DACT2: variants seen among roughly 807,000 people sequenced by gnomAD.
DACT2 encodes the protein dapper homolog 2.
A neutral mutation model predicts 22.2 loss-of-function variants in DACT2; 20 were observed. That is an observed-to-expected ratio of 0.90 (90% CI 0.63 to 1.31). The LOEUF is 1.31. Ranked by LOEUF, DACT2 falls within the 50% of genes most tolerant of loss-of-function variation. The pLI, the probability that DACT2 is intolerant of heterozygous loss-of-function variation, is 0.00. For missense variants in DACT2, 1,048 were observed against 1,061.4 expected (o/e 0.99, Z 0.18); for synonymous variants, 463 against 479.8 (o/e 0.96, Z 0.46).
chr6:168,294,929 G>C (rs185040028), intron 3 of DACT2, among the ~76,000 whole-genome samples: 162 of 152,280 alleles, frequency 1.1e-3, no homozygotes, highest in Middle Eastern at 6.8e-3. Context: ...GACAAGTTGA[G>C]GAAGAAACCG....
At chr6:168,306,673 A>C (rs59468907), downstream of DACT2, among the ~76,000 whole-genome samples, 20 of 149,428 alleles carry the variant, frequency 1.3e-4, no homozygotes, top group African/African-American at 5.0e-4. Flanking sequence ...GATGGTCTTG[A>C]TCTTCTGACT....
At chr6:168,296,616 A>C (rs1363008224) in intron 3 of DACT2, among the ~76,000 whole-genome samples, 4 of 152,240 alleles carry the variant, frequency 2.6e-5, no homozygotes, top group East Asian at 1.9e-4. Flanking sequence ...GAGGACAAGC[A>C]CCCGGAATCA....
At chr6:168,294,575 GTGTATATA>G (rs1246967529) in intron 4 of DACT2, 18,895 of 335,316 alleles carry the variant, frequency 0.056, 2 homozygotes, top group Non-Finnish European at 0.06. Flanking sequence ...GTGTGTGTGT[GTGTATATA>G]TATATATATA....
chr6:168,314,929 C>T (rs1441989646), intron 1 of DACT2, among the ~76,000 whole-genome samples: 1 of 152,204 alleles, frequency 6.6e-6, no homozygotes, highest in Non-Finnish European at 1.5e-5. Context: ...GCACTGAAGT[C>T]TTGCAGGTTT....
chr6:168,308,318 T>C lies in DACT2; in HGVS notation c.1439A>G (p.His480Arg), dbSNP rs1024025428. Residue 480 changes from histidine to arginine, a missense_variant, in exon 4 of 4, where the codon CAC becomes CGC. By Grantham distance (29) the His-to-Arg change is conservative. Transcript: ENST00000366795. ...TTTCAGGCTGGCAGCAAAGGATGGG[T>C]GGGCAAAGTGCCCAGAGGCCGGTGA... ...SPSPASGHFA[H>R]PSFAASLKMG... 3.9e-6 allele frequency: 6 copies of C among 1,552,002 alleles called. No individual in the cohort carries two copies. The African/African-American group carries it at 8.2e-5, about 21-fold the overall frequency.
chr6:168,312,673 G>A (rs1038211064), intron 1 of DACT2, among the ~76,000 whole-genome samples: 5 of 152,108 alleles, frequency 3.3e-5, no homozygotes, highest in Non-Finnish European at 7.3e-5. Context: ...CTACGATTAA[G>A]GCAAATAATT....
chr6:168,310,358 G>T lies in DACT2; in HGVS notation c.468C>A (p.Gly156=). ...GGGCCTGGGCCACAGGCAACAAACT[G>T]CCCAGCGAGGGAGAGATGTGGTCAC... ...VCSDHISPSL[G]SLLPVAQAHK... The change falls in exon 3 of 4, where the codon GGC becomes GGA. Residue 156 remains glycine, a synonymous_variant. Coordinates refer to ENST00000366795, the MANE Select transcript of DACT2 (RefSeq NM_214462.5). 6.4e-7 allele frequency: 1 copy of T among 1,551,686 alleles called. No homozygotes were observed. Among genetic ancestry groups the T allele is most frequent in the Non-Finnish European group, 8.7e-7 (1 of 1,146,980 alleles).
At chr6:168,298,156 T>C (rs1038912718) in intron 3 of DACT2, 1 of 152,122 alleles carries the variant, frequency 6.6e-6, no homozygotes, top group East Asian at 1.9e-4. Flanking sequence ...CCTATAAGTA[T>C]AGGAAAAAAT....
chr6:168,298,198 G>A (rs1346617365), intron 3 of DACT2: 5 of 152,190 alleles, frequency 3.3e-5, no homozygotes, highest in Admixed American at 6.5e-5. Flanking sequence ...GCAGACATCC[G>A]TCCTGACTTC....
In DACT2 at chr6:168,309,029, C is replaced by A. The variant is rs1779317595; in HGVS notation, c.728G>T (p.Gly243Val). The A allele has an allele frequency of 1.3e-6, 2 of 1,546,246 alleles. No individual in the cohort carries two copies. The highest frequency in any genetic ancestry group is 1.4e-5 in the African/African-American group (1 of 73,172). The change falls in exon 4 of 4, where the codon GGG becomes GTG. Residue 243 changes from glycine to valine, a missense_variant. Physicochemically the swap from Gly to Val is moderately radical, Grantham distance 109. Transcript: ENST00000366795. ...QKASADAELLGLLCQGVDIPL... is the reference protein window; with the variant it reads ...QKASADAELLVLLCQGVDIPL... The stretch of plus-strand genomic sequence containing the variant: ...GATATCCACCCCCTGGCAGAGGAGC[C>A]CGAGGAGCTCGGCGTCCGCGCTGGC...
chr6:168,294,249 T>G, intron 4 of DACT2: 1 of 702,820 alleles, frequency 1.4e-6, no homozygotes, highest in Non-Finnish European at 2.6e-6. Context: ...TGCCAGGAGC[T>G]CTGTCACATC....
exon 6 of DACT2, chr6:168,293,509 A>C: frequency 5.4e-6 from 1 of 186,296 alleles, no homozygotes; most frequent in East Asian, 1.4e-4. Context: ...AGGAATGCTC[A>C]CTAACATTCT....
chr6:168,311,027 C>T (rs572071032), intron 2 of DACT2, 125 bp downstream of exon 2: 40 of 1,296,990 alleles, frequency 3.1e-5, no homozygotes, highest in Non-Finnish European at 4.0e-5. Context: ...GCGGCCATCT[C>T]CCTGCACGGA....
intron 4 of DACT2, among the ~76,000 whole-genome samples, chr6:168,294,460 C>A (rs1021537380): frequency 6.9e-6 from 1 of 144,422 alleles, no homozygotes; most frequent in Admixed American, 6.9e-5. Context: ...CTGATGCTAT[C>A]CCTCCCCGCT....
At chr6:168,300,076 C>A (rs540167444) in intron 3 of DACT2, 8 of 151,830 alleles carry the variant, frequency 5.3e-5, no homozygotes, top group East Asian at 1.9e-4. Context: ...CTTCAGAGAC[C>A]CCCCGTAAGG....
rs1046390040 is a variant in DACT2 at position 168,310,640 on chromosome 6, C to G, written c.380-194G>C. Among the ~76,000 whole-genome samples the G allele has an allele frequency of 9.2e-5, 14 of 152,306 alleles. No individual in the cohort carries two copies. In the South Asian group the frequency reaches 2.3e-3, roughly 25 times the overall value. ...AGGTGAGAATGTTCAGGATTCTTCC[C>G]AGGAGCTGCCAGTGGGTTGGTCAGA... On this transcript the variant is annotated intron_variant, in intron 2 of 3. Coordinates refer to ENST00000366795, the MANE Select transcript of DACT2 (RefSeq NM_214462.5).
chr6:168,315,989 A>C (rs1283921477), intron 1 of DACT2, among the ~76,000 whole-genome samples: 1 of 152,258 alleles, frequency 6.6e-6, no homozygotes, highest in Non-Finnish European at 1.5e-5. Context: ...GATGTCACAC[A>C]AATTCAATTA....
downstream of DACT2, among the ~76,000 whole-genome samples, chr6:168,304,806 G>A (rs1583293254): frequency 6.6e-6 from 1 of 152,240 alleles, no homozygotes; most frequent in Non-Finnish European, 1.5e-5. Context: ...TGGAGACAGA[G>A]CTGTCCTCCT....
rs1303561448 is a variant in DACT2 at position 168,307,937 on chromosome 6, C to T, written c.1820G>A (p.Arg607His). The change falls in exon 4 of 4, where the codon CGC becomes CAC. Residue 607 changes from arginine (R) to histidine (H), a missense_variant. Coordinates refer to ENST00000366795, the MANE Select transcript of DACT2 (RefSeq NM_214462.5). This position sits in a 1 kb window ranked among gnomAD's most constrained non-coding sequence, Gnocchi z 5.3. ...LLTSVARRKH[R>H]RWQSTVEISA... ...GATCTCCACGGTGGACTGCCAGCGG[C>T]GATGCTTCCTCCTGGCCACTGAGGT... 1.9e-6 allele frequency: 3 copies of T among 1,548,394 alleles called. No individual in the cohort carries two copies. The highest frequency in any genetic ancestry group is 1.7e-6 in the Non-Finnish European group (2 of 1,146,864).
Sources: gnomAD v4.1 joint callset for allele counts (sites outside exome capture counted in the v4.1 genomes callset) on GRCh38, gnomAD v4.1.1 for gene constraint, Gnocchi (gnomAD v3.1) non-coding constraint, MANE v1.5 for transcripts, NCBI Gene and HGNC (gene_info 2026-07-23, HGNC 2026-07-21) for gene names.